Variants in CAMK2D observed in about 807,000 individuals in gnomAD.
CAMK2D encodes the protein calcium/calmodulin dependent protein kinase II delta, also known as calcium/calmodulin-dependent protein kinase type II subunit delta.
In CAMK2D, 37 loss-of-function variants were observed where a neutral mutation model predicts 84.0. The ratio of observed to expected loss-of-function variants is 0.44; its 90% confidence interval spans 0.34 to 0.58. The LOEUF (loss-of-function observed/expected upper bound fraction) is 0.58, where lower values mean the gene tolerates loss of function less well. CAMK2D is among the 20% of genes least tolerant of loss of function. The pLI is 0.02. For missense variants in CAMK2D, 448 were observed against 652.5 expected, an observed-to-expected ratio of 0.69 and a Z score of 3.41; for synonymous variants, 202 against 212.5, an observed-to-expected ratio of 0.95 and a Z score of 0.43.
intron 2 of CAMK2D, among the ~76,000 whole-genome samples, chr4:113,704,153 G>A (rs879904349): frequency 1.3e-5 from 2 of 151,902 alleles, no homozygotes; most frequent in African/African-American, 2.4e-5. Flanking sequence ...GGAATACCAA[G>A]TGAAATTTAA....
intron 16 of CAMK2D, among the ~76,000 whole-genome samples, chr4:113,473,809 G>A (rs1270024518): frequency 1.3e-5 from 2 of 152,088 alleles, no homozygotes; most frequent in African/African-American, 4.8e-5. Flanking sequence ...GAAAGATCTA[G>A]CATTGGGATC....
intron 2 of CAMK2D, among the ~76,000 whole-genome samples, chr4:113,672,468 C>T (rs1460961235): frequency 6.6e-6 from 1 of 152,150 alleles, no homozygotes; most frequent in African/African-American, 2.4e-5. Flanking sequence ...TTTTATTAAG[C>T]AAACACAAGG....
chr4:113,472,422 G>C lies in CAMK2D; in HGVS notation c.1136-6818C>G, dbSNP rs574805800. Among the ~76,000 whole-genome samples, 120 of 152,318 alleles carry C rather than the reference G, an allele frequency of 7.9e-4. 5 individuals carry two copies. In the South Asian group the frequency reaches 0.025, roughly 32 times the overall value. The stretch of plus-strand genomic sequence containing the variant: ...AAGTTTATGAGGCTGCAGTATTTCA[G>C]ATGCCGGAATAGCAGCAGATTTAAT... On this transcript the variant is annotated intron_variant, in intron 16 of 20. Coordinates refer to ENST00000511664, the MANE Select transcript of CAMK2D (RefSeq NM_001321571.2).
rs138414581 is a variant in CAMK2D at position 113,757,617 on chromosome 4, C to T, written c.160+1703G>A. Among the ~76,000 whole-genome samples, 569 of 152,210 alleles carry T rather than the reference C, an allele frequency of 3.7e-3. 1 individual carries two copies. The highest frequency in any genetic ancestry group is 0.013 in the African/African-American group (538 of 41,530). ...AGAAGAATGTCTCCTAACTCTTCAC[C>T]CTAGTTCCTTTTTCTAAGTAGAATA... On this transcript the variant is annotated intron_variant, in intron 2 of 20. Coordinates refer to ENST00000511664, the MANE Select transcript of CAMK2D (RefSeq NM_001321571.2).
intron 2 of CAMK2D, among the ~76,000 whole-genome samples, chr4:113,712,555 C>T (rs1215918644): frequency 6.6e-6 from 1 of 152,036 alleles, no homozygotes; most frequent in Non-Finnish European, 1.5e-5. Flanking sequence ...AGTTTCAAGG[C>T]ACATTCATCT....
intron 2 of CAMK2D, among the ~76,000 whole-genome samples, chr4:113,700,717 C>G (rs1243780327): frequency 6.6e-6 from 1 of 152,056 alleles, no homozygotes; most frequent in African/African-American, 2.4e-5. Flanking sequence ...ACTCTGTTTT[C>G]TCTGCAGAAA....
rs1397770058 is a variant in CAMK2D, at chr4:113,690,082, C to T, written c.161-28310G>A. Among the ~76,000 whole-genome samples, 8 of 152,120 alleles carry T rather than the reference C, an allele frequency of 5.3e-5. No homozygotes were observed. The South Asian group carries it at 1.7e-3, about 32-fold the overall frequency. On this transcript the variant is annotated intron_variant, in intron 2 of 20. Coordinates refer to ENST00000511664, the MANE Select transcript of CAMK2D (RefSeq NM_001321571.2). ...TCCATGAAAAATGACAAAATGAAGC[C>T]AGATCAGGCAGGATAAAAGGAACAA... is the stretch of plus-strand genomic sequence containing the variant.
intron 16 of CAMK2D, among the ~76,000 whole-genome samples, chr4:113,479,433 A>G (rs879196872): frequency 6.6e-5 from 10 of 152,216 alleles, no homozygotes; most frequent in Non-Finnish European, 1.0e-4. Context: ...ATGTTTAATA[A>G]GTACAAAATA....
chr4:113,588,603 C>T (rs2154249538), intron 4 of CAMK2D, among the ~76,000 whole-genome samples: 1 of 152,224 alleles, frequency 6.6e-6, no homozygotes, highest in Admixed American at 6.5e-5. Context: ...ACTGAGGCAC[C>T]ATTATGTAAC....
Position 113,552,106 on chromosome 4 carries a change from T to C in CAMK2D, c.276-10A>G. On this transcript the variant is annotated splice_polypyrimidine_tract_variant and intron_variant, in intron 4 of 20. Transcript: ENST00000511664. Reference sequence around the variant, plus strand: ...TTCACCTCCAGTAACTCTGGGAAGATAAAAAACATAATCACTTTTAAAAAG... The same window carrying C: ...TTCACCTCCAGTAACTCTGGGAAGACAAAAAACATAATCACTTTTAAAAAG... The C allele has an allele frequency of 1.3e-6, 2 of 1,498,360 alleles. No individual in the cohort carries two copies. The highest frequency in any genetic ancestry group is 1.2e-5 in the South Asian group (1 of 85,020). 92.8% of individuals were successfully genotyped at this position (1,498,360 alleles called of 1,614,324 possible).
At chr4:113,508,573 C>T (rs1278891523) in intron 13 of CAMK2D, among the ~76,000 whole-genome samples, 1 of 152,166 alleles carries the variant, frequency 6.6e-6, no homozygotes, top group African/African-American at 2.4e-5. Context: ...CATCAACTAT[C>T]ATTCTTAAAA....
chr4:113,682,031 T>C (rs1345722280), intron 2 of CAMK2D, among the ~76,000 whole-genome samples: 3 of 152,226 alleles, frequency 2.0e-5, no homozygotes, highest in Non-Finnish European at 2.9e-5. Context: ...GACCTGAGTT[T>C]AAATCCTATT....
intron 4 of CAMK2D, among the ~76,000 whole-genome samples, chr4:113,576,130 G>C (rs1171975614): frequency 2.0e-5 from 3 of 152,062 alleles, no homozygotes; most frequent in African/African-American, 7.2e-5. Flanking sequence ...CAAACTCCTT[G>C]TCTCAAGCAA....
At chr4:113,687,630 G>A (rs80092034) in intron 2 of CAMK2D, among the ~76,000 whole-genome samples, 10,835 of 152,168 alleles carry the variant, frequency 0.071, 488 homozygotes, top group African/African-American at 0.13. Flanking sequence ...GGAAACTTTC[G>A]GTCTCTAAGG....
At chr4:113,696,512 C>T (rs56038844) in intron 2 of CAMK2D, among the ~76,000 whole-genome samples, 2 of 152,086 alleles carry the variant, frequency 1.3e-5, no homozygotes, top group African/African-American at 4.8e-5. Flanking sequence ...AATCTTCAGT[C>T]ATCTCCCTGG....
In CAMK2D at chr4:113,636,512, G is replaced by A. The variant is rs557913801; in HGVS notation, c.220+25201C>T. On this transcript the variant is annotated intron_variant, in intron 3 of 20. Coordinates refer to ENST00000511664, the MANE Select transcript of CAMK2D (RefSeq NM_001321571.2). ...CCCTCCTATCCTTAATAATCTACTCGGACTGCCATAACAAAACACCATTAG... is the reference window on the plus strand; with the variant it reads ...CCCTCCTATCCTTAATAATCTACTCAGACTGCCATAACAAAACACCATTAG... Among the ~76,000 whole-genome samples the A allele has an allele frequency of 2.0e-4, 31 of 152,172 alleles. 1 individual carries two copies. Among genetic ancestry groups the A allele is most frequent in the South Asian group, 6.2e-4 (3 of 4,810 alleles).
intron 6 of CAMK2D, among the ~76,000 whole-genome samples, chr4:113,542,982 T>C (rs11098195): frequency 0.32 from 48,060 of 152,074 alleles, 8,038 homozygotes; most frequent in African/African-American, 0.41. Context: ...AGGCAATTCA[T>C]AGGGTGTTAA....
At chr4:113,745,816 T>A (rs141216485) in intron 2 of CAMK2D, among the ~76,000 whole-genome samples, 358 of 152,328 alleles carry the variant, frequency 2.4e-3, no homozygotes, top group African/African-American at 8.3e-3. Flanking sequence ...GGTAATTCAC[T>A]CCTGTTCCCC....
intron 2 of CAMK2D, among the ~76,000 whole-genome samples, chr4:113,751,732 T>G (rs540789808): frequency 6.6e-6 from 1 of 152,236 alleles, no homozygotes; most frequent in Middle Eastern, 3.4e-3. Context: ...ATAGCACCAC[T>G]GCACTCCAGC....
Sources: gnomAD v4.1 joint callset for allele counts (sites outside exome capture counted in the v4.1 genomes callset) on GRCh38, gnomAD v4.1.1 for gene constraint, MANE v1.5 for transcripts, NCBI Gene and HGNC (gene_info 2026-07-23, HGNC 2026-07-21) for gene names.